The following RGS5 variants were observed in gnomAD, a reference collection of about 807,000 sequenced individuals.
The protein encoded by RGS5 is regulator of G-protein signalling 5.
In RGS5, 20 loss-of-function variants were observed where a neutral mutation model predicts 18.9. That is an observed-to-expected ratio of 1.06 (90% CI 0.74 to 1.54). The LOEUF (loss-of-function observed/expected upper bound fraction) is 1.54, where lower values mean the gene tolerates loss of function less well. Ranked by LOEUF, RGS5 falls within the 40% of genes most tolerant of loss-of-function variation. The probability of loss-of-function intolerance (pLI) is 0.00; values close to 1 mark genes in which losing one functional copy is unlikely to be tolerated. For synonymous variants in RGS5, 57 were observed against 76.2 expected (o/e 0.75, Z 1.31); for missense variants, 201 against 211.8 (o/e 0.95, Z 0.32).
chr1:163,301,753 G>A (rs935770925), intron 2 of RGS5, among the ~76,000 whole-genome samples: 6 of 152,136 alleles, frequency 3.9e-5, no homozygotes, highest in South Asian at 2.1e-4. Flanking sequence ...CACAGGATCC[G>A]TGAGACTCCC....
At chr1:163,240,942 T>C (rs1221105861) in intron 2 of RGS5, among the ~76,000 whole-genome samples, 1 of 152,158 alleles carries the variant, frequency 6.6e-6, no homozygotes, top group African/African-American at 2.4e-5. Context: ...TTGTTGGTTG[T>C]TCCTCAAACC....
At chr1:163,285,371 A>G (rs1191035862) in intron 2 of RGS5, among the ~76,000 whole-genome samples, 1 of 152,064 alleles carries the variant, frequency 6.6e-6, no homozygotes, top group African/African-American at 2.4e-5. Flanking sequence ...CCTGGCCAAC[A>G]TGGTGAAACC....
intron 1 of RGS5, among the ~76,000 whole-genome samples, chr1:163,315,556 T>A (rs1342478978): frequency 6.6e-6 from 1 of 152,222 alleles, no homozygotes; most frequent in Admixed American, 6.5e-5. Flanking sequence ...TAGAGTTTAA[T>A]ATAGCAACTT....
At chr1:163,206,500 T>C (rs1659957986), upstream of RGS5, among the ~76,000 whole-genome samples, 2 of 152,178 alleles carry the variant, frequency 1.3e-5, no homozygotes, top group African/African-American at 4.8e-5. Context: ...CTCATATACA[T>C]ATGTACTATG....
chr1:163,313,529 T>C (rs144768289), intron 1 of RGS5, among the ~76,000 whole-genome samples: 295 of 152,270 alleles, frequency 1.9e-3, no homozygotes, highest in African/African-American at 6.9e-3. Flanking sequence ...AATACATATG[T>C]AGGGCATCTC....
chr1:163,185,205 TAC>T (rs149595022), intron 1 of RGS5, among the ~76,000 whole-genome samples: 6 of 150,938 alleles, frequency 4.0e-5, no homozygotes, highest in Non-Finnish European at 5.9e-5. Context: ...AGTCTTTATT[TAC>T]ACACACACAC....
chr1:163,235,005 T>C (rs1014166474), intron 2 of RGS5, among the ~76,000 whole-genome samples: 20 of 152,204 alleles, frequency 1.3e-4, no homozygotes, highest in Non-Finnish European at 2.4e-4. Context: ...CTGCCACATT[T>C]TGTTGATCAA....
intron 2 of RGS5, among the ~76,000 whole-genome samples, chr1:163,256,104 T>G (rs577511045): frequency 6.6e-6 from 1 of 152,336 alleles, no homozygotes; most frequent in East Asian, 1.9e-4. Context: ...TTGGAAGTTC[T>G]GGTCAGGGCA....
At chr1:163,219,988 C>T (rs1258782745), upstream of RGS5, among the ~76,000 whole-genome samples, 1 of 152,102 alleles carries the variant, frequency 6.6e-6, no homozygotes, top group Non-Finnish European at 1.5e-5. Flanking sequence ...TAGATACCGC[C>T]AGTTTTTCAG....
intron 2 of RGS5, among the ~76,000 whole-genome samples, chr1:163,282,432 G>T (rs1429287152): frequency 6.6e-6 from 1 of 152,090 alleles, no homozygotes; most frequent in Non-Finnish European, 1.5e-5. Flanking sequence ...AAATATGCCA[G>T]ATGTGGTGGT....
chr1:163,207,531 C>G (rs1048546030), upstream of RGS5, among the ~76,000 whole-genome samples: 3 of 152,066 alleles, frequency 2.0e-5, no homozygotes, highest in African/African-American at 7.2e-5. Flanking sequence ...GCAAAAAATA[C>G]CAAGTCATTT....
chr1:163,276,072 G>A (rs1002150312), intron 2 of RGS5, among the ~76,000 whole-genome samples: 5 of 151,912 alleles, frequency 3.3e-5, no homozygotes, highest in African/African-American at 1.2e-4. Context: ...TTGGCTCACT[G>A]CAACCTTCAC....
chr1:163,199,893 A>C (rs1286531911), intron 1 of RGS5, among the ~76,000 whole-genome samples: 1 of 151,802 alleles, frequency 6.6e-6, no homozygotes, highest in Non-Finnish European at 1.5e-5. Flanking sequence ...GCAGCCTCAA[A>C]CTCCTGTCCT....
chr1:163,307,684 G>C (rs755812728), intron 1 of RGS5, among the ~76,000 whole-genome samples: 1 of 151,820 alleles, frequency 6.6e-6, no homozygotes, highest in Non-Finnish European at 1.5e-5. Context: ...GCGGCCAAAA[G>C]CAATGTCTAG....
chr1:163,166,503 T>C (rs542910924), intron 2 of RGS5, among the ~76,000 whole-genome samples: 112 of 152,192 alleles, frequency 7.4e-4, no homozygotes, highest in Non-Finnish European at 1.5e-3. Context: ...ATGGAGCTTA[T>C]GCAGAACACA....
intron 2 of RGS5, among the ~76,000 whole-genome samples, chr1:163,264,881 T>G (rs924248121): frequency 6.6e-6 from 1 of 152,118 alleles, no homozygotes; most frequent in East Asian, 1.9e-4. Context: ...ATGAATCTCC[T>G]ACTCTCACTA....
At chr1:163,294,480 T>C (rs940811202) in intron 2 of RGS5, among the ~76,000 whole-genome samples, 5 of 152,240 alleles carry the variant, frequency 3.3e-5, no homozygotes, top group African/African-American at 7.2e-5. Flanking sequence ...GTCCTGAGAC[T>C]GCACAGAACA....
intron 1 of RGS5, among the ~76,000 whole-genome samples, chr1:163,310,574 C>CAAAAA (rs36115669): frequency 1.6e-5 from 1 of 63,612 alleles, no homozygotes; most frequent in African/African-American, 6.6e-5. Flanking sequence ...GACTCCGTCT[C>CAAAAA]AAAAAAAAAA....
intron 1 of RGS5, among the ~76,000 whole-genome samples, chr1:163,213,352 G>A (rs1474575209): frequency 1.3e-5 from 2 of 152,212 alleles, no homozygotes; most frequent in Admixed American, 6.5e-5. Context: ...TTTAGTTAAT[G>A]TGGTGTAAAC....
Sources: allele counts gnomAD v4.1 joint callset (sites outside exome capture counted in the v4.1 genomes callset), GRCh38; gene constraint gnomAD v4.1.1; transcripts MANE v1.5; gene names NCBI Gene and HGNC (gene_info 2026-07-23, HGNC 2026-07-21).